Variants in GABRB1 observed in about 807,000 individuals in gnomAD.
GABRB1 encodes the protein gamma-aminobutyric acid type A receptor subunit beta1.
A neutral mutation model predicts 51.6 loss-of-function variants in GABRB1; 17 were observed. The ratio of observed to expected loss-of-function variants is 0.33; its 90% CI spans 0.23 to 0.49. The LOEUF (loss-of-function observed/expected upper bound fraction) is 0.49, where lower values mean the gene tolerates loss of function less well. GABRB1 is among the 20% of genes least tolerant of loss of function. The pLI is 0.99. For synonymous variants in GABRB1, 247 were observed against 218.9 expected (o/e 1.13, Z -1.14); for missense variants, 410 against 600.6 (o/e 0.68, Z 3.32).
At chr4:47,069,860 T>C (rs1181989203) in intron 3 of GABRB1, among the ~76,000 whole-genome samples, 1 of 152,136 alleles carries the variant, frequency 6.6e-6, no homozygotes, top group Non-Finnish European at 1.5e-5. Context: ...TTTCTTTCCA[T>C]GCATTTCCTT....
intron 8 of GABRB1, among the ~76,000 whole-genome samples, chr4:47,418,137 C>A (rs1728987009): frequency 6.6e-6 from 1 of 152,208 alleles, no homozygotes. Flanking sequence ...TTGAGAATCA[C>A]CCTGTGATTT....
chr4:47,088,406 A>G (rs998681986), intron 3 of GABRB1, among the ~76,000 whole-genome samples: 2 of 152,212 alleles, frequency 1.3e-5, no homozygotes, highest in Non-Finnish European at 2.9e-5. Flanking sequence ...TGACATTTAC[A>G]CTGAGACCTG....
intron 3 of GABRB1, among the ~76,000 whole-genome samples, chr4:47,152,244 C>T (rs2882622): frequency 0.86 from 130,701 of 151,952 alleles, 56,229 homozygotes; most frequent in African/African-American, 0.9. Context: ...ACAGCACTAA[C>T]ACACTTATTG....
At chr4:47,359,088 C>A (rs568300794) in intron 5 of GABRB1, among the ~76,000 whole-genome samples, 1 of 152,190 alleles carries the variant, frequency 6.6e-6, no homozygotes, top group African/African-American at 2.4e-5. Context: ...GGTACTTAAA[C>A]CCTTTGGGAG....
At chr4:47,046,149 G>T (rs1726075666) in intron 3 of GABRB1, among the ~76,000 whole-genome samples, 1 of 152,058 alleles carries the variant, frequency 6.6e-6, no homozygotes, top group African/African-American at 2.4e-5. Context: ...TGCCATGATT[G>T]TATGTTTCCT....
At chr4:47,223,359 T>C (rs1380566017) in intron 4 of GABRB1, among the ~76,000 whole-genome samples, 1 of 144,234 alleles carries the variant, frequency 6.9e-6, no homozygotes, top group Non-Finnish European at 1.6e-5. Context: ...CTAATATTTC[T>C]TTCTCAGAAA....
intron 1 of GABRB1, among the ~76,000 whole-genome samples, chr4:47,014,876 A>G (rs952164977): frequency 1.3e-5 from 2 of 148,192 alleles, no homozygotes; most frequent in Non-Finnish European, 3.0e-5. Flanking sequence ...TTGGGAAACT[A>G]TAGTATTTAG....
chr4:47,149,696 A>G (rs1275203914), intron 3 of GABRB1, among the ~76,000 whole-genome samples: 5 of 152,056 alleles, frequency 3.3e-5, no homozygotes, highest in African/African-American at 1.2e-4. Flanking sequence ...TACAGGCCCA[A>G]GGATGATTAT....
At chr4:47,403,132 A>G (rs1728454368) in intron 5 of GABRB1, among the ~76,000 whole-genome samples, 186 bp from the exon 6 acceptor site, 1 of 152,210 alleles carries the variant, frequency 6.6e-6, no homozygotes, top group Admixed American at 6.5e-5. Flanking sequence ...AGATGCACCC[A>G]TTCTTTCAAT....
In GABRB1 at chr4:46,999,241, T is replaced by G. The variant is rs184840388; in HGVS notation, c.-20+5315T>G. Among the ~76,000 whole-genome samples the G allele has an allele frequency of 1.2e-4, 19 of 152,318 alleles. No homozygotes were observed. The East Asian group carries it at 1.7e-3, about 14-fold the overall frequency. On this transcript the variant is annotated intron_variant, in intron 1 of 3. Coordinates refer to the GABRB1 transcript ENST00000513567. ...GCCATTTAAACATTGTTAAATTTGT[T>G]GCCAAGTGCCTATTTTATGATGAAT...
At chr4:47,099,476 T>C (rs1714628164) in intron 3 of GABRB1, among the ~76,000 whole-genome samples, 2 of 152,154 alleles carry the variant, frequency 1.3e-5, no homozygotes, top group African/African-American at 4.8e-5. Flanking sequence ...TAGATAAATA[T>C]ATCTGCCTAA....
chr4:47,350,183 TTATATATATATATATA>T (rs367708916), intron 5 of GABRB1, among the ~76,000 whole-genome samples: 7 of 87,736 alleles, frequency 8.0e-5, no homozygotes, highest in Admixed American at 1.4e-4. Flanking sequence ...TGGGCTCAGA[TTATATATATATATATA>T]TATATATATA....
intron 4 of GABRB1, among the ~76,000 whole-genome samples, chr4:47,288,222 C>A (rs1205483670): frequency 6.6e-6 from 1 of 151,488 alleles, no homozygotes; most frequent in Non-Finnish European, 1.5e-5. Flanking sequence ...GCACCTTGAA[C>A]CTTGAGAACA....
intron 8 of GABRB1, among the ~76,000 whole-genome samples, chr4:47,408,681 G>C (rs1252309540): frequency 6.6e-6 from 1 of 152,176 alleles, no homozygotes; most frequent in Admixed American, 6.5e-5. Context: ...GTTAGTTTGA[G>C]GTGTATACCT....
rs190847397 is a variant in GABRB1 at position 46,997,732 on chromosome 4, A to G, written c.-20+3806A>G. Among the ~76,000 whole-genome samples, 909 of 145,890 alleles carry G rather than the reference A, an allele frequency of 6.2e-3. 5 individuals carry two copies. Among genetic ancestry groups the G allele is most frequent in the African/African-American group, 0.022 (876 of 40,438 alleles). ...TATAGATGTGTGTGTATATATATGT[A>G]TGCACACACGTATATATATACACAC... On this transcript the variant is annotated intron_variant, in intron 1 of 3. Transcript: ENST00000513567.
At chr4:47,008,501 T>C (rs1404452474) in intron 1 of GABRB1, among the ~76,000 whole-genome samples, 1 of 151,780 alleles carries the variant, frequency 6.6e-6, no homozygotes, top group Non-Finnish European at 1.5e-5. Flanking sequence ...CTCACTCTTT[T>C]GCCCCAGCTG....
intron 3 of GABRB1, among the ~76,000 whole-genome samples, chr4:47,160,797 T>C (rs1717913812): frequency 1.3e-5 from 2 of 151,734 alleles, no homozygotes; most frequent in African/African-American, 4.8e-5. Flanking sequence ...TAATTATATA[T>C]TTTTTTAGAG....
At chr4:47,020,134 T>G (rs908442168) in intron 1 of GABRB1, among the ~76,000 whole-genome samples, 13 of 151,978 alleles carry the variant, frequency 8.6e-5, no homozygotes, top group Non-Finnish European at 5.9e-5. Flanking sequence ...GATGACTGCC[T>G]TCTCCTTTTG....
chr4:47,082,029 G>A (rs888688890), intron 3 of GABRB1, among the ~76,000 whole-genome samples: 1 of 151,860 alleles, frequency 6.6e-6, no homozygotes, highest in South Asian at 2.1e-4. Context: ...AATAACTTTA[G>A]CTAATGTATA....
Sources: allele counts gnomAD v4.1 joint callset (sites outside exome capture counted in the v4.1 genomes callset), GRCh38; gene constraint gnomAD v4.1.1; transcripts MANE v1.5; gene names NCBI Gene and HGNC (gene_info 2026-07-23, HGNC 2026-07-21).